PLEKHA7: variants seen among roughly 807,000 people sequenced by gnomAD.
PLEKHA7 encodes pleckstrin homology domain containing A7, also known as pleckstrin homology domain-containing family A member 7.
Under a neutral mutation model 170.0 loss-of-function variants are expected in PLEKHA7, and 104 were observed. The observed-to-expected ratio is 0.61, with a 90% CI of 0.52 to 0.72. The LOEUF (loss-of-function observed/expected upper bound fraction) is 0.72, where lower values mean the gene tolerates loss of function less well. Among genes scored for constraint, PLEKHA7 ranks in the 30% least tolerant of loss-of-function variants. The pLI is 0.00. For missense variants in PLEKHA7, 1,615 were observed against 1,671.7 expected (o/e 0.97, Z 0.59); for synonymous variants, 648 against 660.8 (o/e 0.98, Z 0.30).
At chr11:16,950,765 A>G (rs1474214324) in intron 3 of PLEKHA7, among the ~76,000 whole-genome samples, 1 of 149,322 alleles carries the variant, frequency 6.7e-6, no homozygotes, top group Non-Finnish European at 1.5e-5. Context: ...AGCTTTTTCC[A>G]AACATTTTCC....
At chr11:16,818,263 G>C (rs141544706) in intron 10 of PLEKHA7, among the ~76,000 whole-genome samples, 6 of 152,352 alleles carry the variant, frequency 3.9e-5, no homozygotes, top group African/African-American at 1.4e-4. Flanking sequence ...CTTGTAACAG[G>C]AGGATAGTAT....
chr11:16,892,435 T>TGTGTGTGTGTGTGTG (rs1554964897), intron 3 of PLEKHA7, among the ~76,000 whole-genome samples: 335 of 98,270 alleles, frequency 3.4e-3, no homozygotes, highest in Non-Finnish European at 4.6e-3. Flanking sequence ...TGTGTGTGTG[T>TGTGTGTGTGTGTGTG]TTTGTTTTGT....
At chr11:16,973,428 T>C (rs985834268) in intron 3 of PLEKHA7, among the ~76,000 whole-genome samples, 1 of 152,116 alleles carries the variant, frequency 6.6e-6, no homozygotes, top group African/African-American at 2.4e-5. Context: ...CACACCACCA[T>C]GCAACTGCCT....
chr11:16,941,088 G>A (rs557438414), intron 3 of PLEKHA7, among the ~76,000 whole-genome samples: 106 of 152,320 alleles, frequency 7.0e-4, no homozygotes, highest in Non-Finnish European at 1.2e-3. Context: ...TAGTAGAAGC[G>A]ATGTCCAAGT....
chr11:16,942,777 A>T (rs1427867875), intron 3 of PLEKHA7, among the ~76,000 whole-genome samples: 1 of 152,258 alleles, frequency 6.6e-6, no homozygotes, highest in Admixed American at 6.5e-5. Context: ...TGCAATAAAA[A>T]TTCAATCTAA....
intron 8 of PLEKHA7, among the ~76,000 whole-genome samples, chr11:16,846,873 C>T (rs1375553438): frequency 6.6e-6 from 1 of 152,132 alleles, no homozygotes; most frequent in Admixed American, 6.6e-5. Context: ...GCAGAACTAG[C>T]TGATAAATCA....
chr11:17,013,658 C>T (rs544014279), intron 3 of PLEKHA7, among the ~76,000 whole-genome samples: 1 of 152,388 alleles, frequency 6.6e-6, no homozygotes, highest in African/African-American at 2.4e-5. Flanking sequence ...TCGCCTCTCC[C>T]GGCGGGGCGC....
chr11:16,824,357 T>C (rs1850470964), intron 10 of PLEKHA7, among the ~76,000 whole-genome samples: 1 of 152,194 alleles, frequency 6.6e-6, no homozygotes, highest in Non-Finnish European at 1.5e-5. Context: ...CAAGATTACA[T>C]CTTTATTTTA....
intron 3 of PLEKHA7, among the ~76,000 whole-genome samples, chr11:16,926,740 A>C (rs916483645): frequency 6.6e-6 from 1 of 152,230 alleles, no homozygotes; most frequent in Non-Finnish European, 1.5e-5. Flanking sequence ...ATGATTAGGC[A>C]GAAGTGGAAA....
At chr11:16,994,455 G>A (rs1565189985) in intron 3 of PLEKHA7, among the ~76,000 whole-genome samples, 2 of 152,182 alleles carry the variant, frequency 1.3e-5, no homozygotes, top group Non-Finnish European at 2.9e-5. Flanking sequence ...ACCCTCACCT[G>A]CTGCAGGGGA....
intron 3 of PLEKHA7, among the ~76,000 whole-genome samples, chr11:16,964,495 G>C (rs1862251170): frequency 6.6e-6 from 1 of 152,250 alleles, no homozygotes; most frequent in South Asian, 2.1e-4. Context: ...CCCAAGCCTA[G>C]GAAACAGCCT....
Position 16,803,050 on chromosome 11 carries a change from G to A in PLEKHA7, c.2079C>T (p.Val693=), listed in dbSNP as rs759407210. Residue 693 remains valine (V), a splice_region_variant and synonymous_variant, in exon 15 of 27, where the codon GTC becomes GTT. Transcript: ENST00000531066. ...CTTGTTCACAGAAGATGCTCAGTTT[G>A]ACCTAAAAGCAAGAACAGGTGGAGA... ...PVKIAESDTD[V]KLSIFCEQDR... 1 of 1,613,988 alleles carries A rather than the reference G, an allele frequency of 6.2e-7. No individual in the cohort carries two copies. The highest frequency in any genetic ancestry group is 8.5e-7 in the Non-Finnish European group (1 of 1,179,846).
intron 3 of PLEKHA7, among the ~76,000 whole-genome samples, chr11:16,999,248 C>T (rs906551000): frequency 1.3e-5 from 2 of 151,952 alleles, no homozygotes; most frequent in African/African-American, 4.8e-5. Context: ...ACAGAGGAAG[C>T]CTTCCCACTT....
At chr11:16,847,797 G>C (rs1462402213) in intron 8 of PLEKHA7, among the ~76,000 whole-genome samples, 1 of 147,678 alleles carries the variant, frequency 6.8e-6, no homozygotes, top group African/African-American at 2.5e-5. Flanking sequence ...AGCCAAGATC[G>C]TGCCATTGTA....
At chr11:16,971,485 CT>C (rs1449826119) in intron 3 of PLEKHA7, among the ~76,000 whole-genome samples, 1 of 152,198 alleles carries the variant, frequency 6.6e-6, no homozygotes, top group Admixed American at 6.5e-5. Flanking sequence ...CTTCAGCAAC[CT>C]TTCCAGGTTA....
chr11:16,778,835 A>C lies in PLEKHA7; in HGVS notation c.*163T>G. On this transcript the variant is annotated 3_prime_UTR_variant, in exon 27 of 27. Transcript: ENST00000531066. Reference sequence around the variant, plus strand: ...TGAGCTAAACTAGTGGGTGCATATTAGGGCCTGGCCTGTGGTGAACACCCG... The same window carrying C: ...TGAGCTAAACTAGTGGGTGCATATTCGGGCCTGGCCTGTGGTGAACACCCG... 1 of 651,072 alleles carries C rather than the reference A, an allele frequency of 1.5e-6. No homozygotes were observed. The highest frequency in any genetic ancestry group is 2.8e-6 in the Non-Finnish European group (1 of 358,672). The allele number at this position is 651,072 out of a possible 1,614,324, so 40.3% of individuals were successfully genotyped here.
chr11:16,906,340 C>T (rs1355751960), intron 3 of PLEKHA7, among the ~76,000 whole-genome samples: 1 of 111,790 alleles, frequency 8.9e-6, no homozygotes, highest in Non-Finnish European at 2.1e-5. Flanking sequence ...CTCCCTCTCC[C>T]TCTCTTTCCA....
rs576933921 is a variant in PLEKHA7, at chr11:16,849,732, C to T, written c.696+1459G>A. On this transcript the variant is annotated intron_variant, in intron 8 of 26. Transcript: ENST00000531066. Reference sequence around the variant, plus strand: ...TTAAGCTCTCATATCCTTCCCTCACCATGAGCATTAAATGAGGTCACATGT... The same window carrying T: ...TTAAGCTCTCATATCCTTCCCTCACTATGAGCATTAAATGAGGTCACATGT... 1.7e-4 allele frequency among the ~76,000 whole-genome samples: 26 copies of T among 152,302 alleles called. 1 individual carries two copies. The South Asian group carries it at 5.2e-3, about 30-fold the overall frequency.
chr11:16,836,064 G>T (rs1480884552), intron 9 of PLEKHA7, among the ~76,000 whole-genome samples: 1 of 152,160 alleles, frequency 6.6e-6, no homozygotes, highest in Non-Finnish European at 1.5e-5. Context: ...GAAGATGGTC[G>T]GGGACATAAA....
Sources: gnomAD v4.1 joint callset for allele counts (sites outside exome capture counted in the v4.1 genomes callset) on GRCh38, gnomAD v4.1.1 for gene constraint, MANE v1.5 for transcripts, NCBI Gene and HGNC (gene_info 2026-07-23, HGNC 2026-07-21) for gene names.